Variants in CLASP2 observed in about 807,000 individuals in gnomAD.
CLASP2 encodes CLIP-associating protein 2.
CLASP2 carries 47 observed loss-of-function variants against 194.4 expected under a neutral mutation model. The observed-to-expected ratio is 0.24, with a 90% CI of 0.19 to 0.31. The LOEUF (loss-of-function observed/expected upper bound fraction) is 0.31. Ranked by LOEUF, CLASP2 falls within the 10% of genes least tolerant of loss-of-function variation. The probability of loss-of-function intolerance (pLI) is 1.00; values close to 1 mark genes in which losing one functional copy is unlikely to be tolerated. For synonymous variants in CLASP2, 619 were observed against 633.5 expected (o/e 0.98, Z 0.34); for missense variants, 1,445 against 1,823.6 (o/e 0.79, Z 3.78).
intron 18 of CLASP2, chr3:33,602,559 G>T (rs1299381268): frequency 1.3e-6 from 1 of 763,370 alleles, no homozygotes; most frequent in South Asian, 1.4e-5. Flanking sequence ...GAGCTTTGCA[G>T]TTCTCCCAGA....
intron 6 of CLASP2, among the ~76,000 whole-genome samples, chr3:33,667,882 A>T (rs1279652914): frequency 1.3e-5 from 2 of 152,158 alleles, no homozygotes; most frequent in Admixed American, 6.5e-5. Context: ...CTTACTTTTT[A>T]AAAAATATTT....
chr3:33,549,750 T>TC (rs1274149885), intron 30 of CLASP2, among the ~76,000 whole-genome samples: 1 of 151,836 alleles, frequency 6.6e-6, no homozygotes, highest in Non-Finnish European at 1.5e-5. Flanking sequence ...TTCTTTTTTT[T>TC]TTTTTTAAGA....
chr3:33,671,634 C>A (rs372603561), intron 6 of CLASP2, among the ~76,000 whole-genome samples: 27 of 152,118 alleles, frequency 1.8e-4, no homozygotes, highest in Non-Finnish European at 3.7e-4. Context: ...CAAAGCAGGG[C>A]GAGGCATTGC....
intron 23 of CLASP2, among the ~76,000 whole-genome samples, chr3:33,578,545 G>A (rs1201108410): frequency 6.6e-6 from 1 of 152,130 alleles, no homozygotes; most frequent in East Asian, 1.9e-4. Context: ...TAATAAACAG[G>A]AAGACTGAAA....
At chr3:33,591,528 T>C (rs1388629474) in intron 21 of CLASP2, among the ~76,000 whole-genome samples, 2 of 152,214 alleles carry the variant, frequency 1.3e-5, no homozygotes, top group South Asian at 2.1e-4. Flanking sequence ...GGAGGATTGC[T>C]TGAGCCCAGG....
At chr3:33,636,802 T>C (rs2080228604) in intron 8 of CLASP2, among the ~76,000 whole-genome samples, 1 of 152,142 alleles carries the variant, frequency 6.6e-6, no homozygotes, top group South Asian at 2.1e-4. Flanking sequence ...GGTTTTACCA[T>C]ATTGGCCAGG....
intron 20 of CLASP2, among the ~76,000 whole-genome samples, chr3:33,593,827 G>A (rs2069466583): frequency 6.6e-6 from 1 of 152,126 alleles, no homozygotes; most frequent in South Asian, 2.1e-4. Flanking sequence ...ATTCCACAGT[G>A]CGAGAAATCA....
At chr3:33,577,376 T>C in intron 23 of CLASP2, 2 of 803,090 alleles carry the variant, frequency 2.5e-6, no homozygotes. Context: ...TTCTTTATAG[T>C]TAATGATCAG....
Position 33,538,815 on chromosome 3 carries a change from C to T in CLASP2, c.3532G>A (p.Asp1178Asn), listed in dbSNP as rs1318217362. 1.9e-6 allele frequency: 3 copies of T among 1,587,394 alleles called. No individual in the cohort carries two copies. The highest frequency in any genetic ancestry group is 2.3e-5 in the East Asian group (1 of 44,338). ...GAATCGCCATCATCTTTTTTAGAAT[C>T]CCTTTTCAATGGCTCATTCATATCT... The part of the protein sequence containing the change: ...QEDMNEPLKR[D>N]SKKDDGDSMC... Residue 1178 changes from aspartate to asparagine, a missense_variant, in exon 33 of 39, where the codon GAT becomes AAT. By Grantham distance (23) the Asp-to-Asn change is conservative (BLOSUM62 1). Around this residue, in one of 4 missense-constraint regions of CLASP2, gnomAD observed 732 missense variants for 987.9 expected, o/e 0.74. Transcript: ENST00000682230.
chr3:33,560,357 C>T (rs1457972462), intron 28 of CLASP2, among the ~76,000 whole-genome samples: 2 of 151,986 alleles, frequency 1.3e-5, no homozygotes, highest in African/African-American at 2.4e-5. Flanking sequence ...ATTCTCCTTC[C>T]TCAGCCTCTG....
intron 9 of CLASP2, among the ~76,000 whole-genome samples, chr3:33,630,899 T>C (rs900364871): frequency 6.6e-6 from 1 of 152,220 alleles, no homozygotes; most frequent in Non-Finnish European, 1.5e-5. Context: ...CTTTCCCTTA[T>C]ATGAAAGCCT....
At chr3:33,573,842 T>C (rs181302732) in intron 24 of CLASP2, among the ~76,000 whole-genome samples, 1 of 152,250 alleles carries the variant, frequency 6.6e-6, no homozygotes, top group Admixed American at 6.5e-5. Context: ...CATTACCACT[T>C]CTCTTGCCAC....
chr3:33,541,232 G>T lies in CLASP2; in HGVS notation c.3404+2201C>A, dbSNP rs554472687. 1.5e-3 allele frequency among the ~76,000 whole-genome samples: 224 copies of T among 152,174 alleles called. 1 individual carries two copies. Among genetic ancestry groups the T allele is most frequent in the African/African-American group, 5.1e-3 (210 of 41,498 alleles). Reference sequence around the variant, plus strand: ...CACTATTCACAATAGCAAAGACATGGAATCAACCTAAATGCCCATCAGTGA... The same window carrying T: ...CACTATTCACAATAGCAAAGACATGTAATCAACCTAAATGCCCATCAGTGA... On this transcript the variant is annotated intron_variant, in intron 32 of 38. Transcript: ENST00000682230.
intron 38 of CLASP2, among the ~76,000 whole-genome samples, chr3:33,499,000 A>T (rs1397886354): frequency 6.6e-6 from 1 of 152,168 alleles, no homozygotes; most frequent in African/African-American, 2.4e-5. Context: ...TGTAGGGATC[A>T]CATATAAAAC....
chr3:33,610,146 C>T (rs1047214208), intron 13 of CLASP2, among the ~76,000 whole-genome samples: 2 of 152,240 alleles, frequency 1.3e-5, no homozygotes, highest in Non-Finnish European at 2.9e-5. Context: ...ATTATAACAA[C>T]TCCTATCTAA....
chr3:33,616,247 T>C (rs1274104610), intron 12 of CLASP2, among the ~76,000 whole-genome samples: 1 of 152,006 alleles, frequency 6.6e-6, no homozygotes, highest in Non-Finnish European at 1.5e-5. Context: ...GCGAGAGGAT[T>C]GCCAACATTT....
chr3:33,537,205 A>C (rs540928404), intron 33 of CLASP2, among the ~76,000 whole-genome samples: 130 of 152,282 alleles, frequency 8.5e-4, no homozygotes, highest in Admixed American at 1.4e-3. Flanking sequence ...CAAAAAAAAA[A>C]CTGAGTCTCA....
chr3:33,653,805 A>G (rs1269950062), intron 7 of CLASP2, among the ~76,000 whole-genome samples: 1 of 152,202 alleles, frequency 6.6e-6, no homozygotes, highest in African/African-American at 2.4e-5. Flanking sequence ...GAAATTCATT[A>G]TAATACTATT....
At chr3:33,541,765 T>C (rs113897343) in intron 32 of CLASP2, among the ~76,000 whole-genome samples, 2,412 of 152,320 alleles carry the variant, frequency 0.016, 21 homozygotes, top group South Asian at 0.029. Flanking sequence ...TGATTCCATG[T>C]CTTTGCTATT....
Sources: gnomAD v4.1 joint callset for allele counts (sites outside exome capture counted in the v4.1 genomes callset) on GRCh38, gnomAD v4.1.1 for gene constraint, gnomAD v4.1.1 regional missense constraint, MANE v1.5 for transcripts, NCBI Gene and HGNC (gene_info 2026-07-23, HGNC 2026-07-21) for gene names.